Variants in GABRA3 observed in about 807,000 individuals in gnomAD.
GABRA3 encodes the protein gamma-aminobutyric acid receptor subunit alpha-3.
A neutral mutation model predicts 30.1 loss-of-function variants in GABRA3; 10 were observed. That is an observed-to-expected ratio of 0.33 (90% confidence interval 0.20 to 0.56). GABRA3 has a LOEUF of 0.56. Among genes scored for constraint, GABRA3 ranks in the 20% least tolerant of loss-of-function variants. The pLI is 0.89. For missense variants in GABRA3, 233 were observed against 392.0 expected, an observed-to-expected ratio of 0.59 and a Z score of 3.42; for synonymous variants, 151 against 146.8, an observed-to-expected ratio of 1.03 and a Z score of -0.21.
intron 4 of GABRA3, among the ~76,000 whole-genome samples, chrX:152,280,480 G>A (rs994353334): frequency 9.0e-6 from 1 of 111,211 alleles, no homozygotes; most frequent in African/African-American, 3.3e-5. Context: ...CCAGGAAAGA[G>A]ATCCCTGTGC....
chrX:152,241,512 T>C (rs1302310751), intron 5 of GABRA3, among the ~76,000 whole-genome samples: 1 of 107,597 alleles, frequency 9.3e-6, no homozygotes, highest in Non-Finnish European at 2.0e-5. Flanking sequence ...GCAGGCCTCC[T>C]TGAGCTGTGG....
chrX:152,240,641 G>A lies in GABRA3; in HGVS notation c.551+15137C>T, dbSNP rs1235632491. 5.1e-5 allele frequency among the ~76,000 whole-genome samples: 5 copies of A among 98,503 alleles called. 2 individuals are homozygous for A. The East Asian group carries it at 1.5e-3, about 30-fold the overall frequency. The allele number at this position is 98,503 out of a possible 115,157, so 85.5% of individuals were successfully genotyped here. ...TCACTTTCAGGTACATCAATCAGAC[G>A]TAGATTTGGTCTTTTCACATAGTCC... On this transcript the variant is annotated intron_variant, in intron 5 of 9. Coordinates refer to ENST00000370314, the MANE Select transcript of GABRA3 (RefSeq NM_000808.4).
chrX:152,224,538 C>T (rs1254087612), intron 6 of GABRA3, among the ~76,000 whole-genome samples: 1 of 111,503 alleles, frequency 9.0e-6, no homozygotes, highest in Non-Finnish European at 1.9e-5. Context: ...TCTGAAATAG[C>T]AAAATAAAGT....
At chrX:152,257,843 C>G (rs902547046) in intron 4 of GABRA3, among the ~76,000 whole-genome samples, 1 of 111,903 alleles carries the variant, frequency 8.9e-6, no homozygotes, top group East Asian at 2.8e-4. Flanking sequence ...ATGTAGCAAC[C>G]TCAAAATTCT....
intron 4 of GABRA3, among the ~76,000 whole-genome samples, chrX:152,272,984 C>G (rs1938974435): frequency 9.0e-6 from 1 of 111,566 alleles, no homozygotes; most frequent in African/African-American, 3.3e-5. Flanking sequence ...ATAAGTTACC[C>G]AATCTTGGGC....
chrX:152,192,512 G>A (rs749387967), intron 8 of GABRA3, among the ~76,000 whole-genome samples: 20 of 110,583 alleles, frequency 1.8e-4, no homozygotes, highest in South Asian at 3.8e-4. Context: ...CTTTTCTTAC[G>A]GTAATTATTA....
chrX:152,435,999 A>G (rs1041881804), intron 1 of GABRA3, among the ~76,000 whole-genome samples: 5 of 111,757 alleles, frequency 4.5e-5, no homozygotes, highest in African/African-American at 1.6e-4. Context: ...TATACAAAAC[A>G]TTGTTAAGAT....
At chrX:152,301,110 T>G (rs143534545) in intron 3 of GABRA3, among the ~76,000 whole-genome samples, 259 of 111,470 alleles carry the variant, frequency 2.3e-3, no homozygotes, top group Admixed American at 7.5e-3. Flanking sequence ...TAAAGAAAGA[T>G]CTTGAAAGAA....
intron 9 of GABRA3, among the ~76,000 whole-genome samples, chrX:152,182,633 CTA>C (rs369102715): frequency 3.0e-4 from 1 of 3,327 alleles, no homozygotes; most frequent in Non-Finnish European, 8.2e-4. Context: ...TATATATACA[CTA>C]TATATACACT....
At chrX:152,203,577 G>A (rs187434345) in intron 7 of GABRA3, among the ~76,000 whole-genome samples, 25 of 111,938 alleles carry the variant, frequency 2.2e-4, no homozygotes, top group Non-Finnish European at 4.3e-4. Flanking sequence ...CCGAAGGTCA[G>A]AAGTCTAAAA....
intron 2 of GABRA3, among the ~76,000 whole-genome samples, chrX:152,346,886 T>C (rs1940400355): frequency 8.9e-6 from 1 of 111,833 alleles, no homozygotes; most frequent in East Asian, 2.8e-4. Context: ...TCGTACACTG[T>C]TGGTGGGAAT....
At chrX:152,236,031 A>G (rs1207819849) in intron 5 of GABRA3, among the ~76,000 whole-genome samples, 4 of 92,920 alleles carry the variant, frequency 4.3e-5, no homozygotes, top group African/African-American at 1.6e-4. Flanking sequence ...TTTAGGGTAC[A>G]TGTGCACATT....
chrX:152,365,102 C>T, intron 1 of GABRA3, among the ~76,000 whole-genome samples: 1 of 111,519 alleles, frequency 9.0e-6, no homozygotes, highest in Non-Finnish European at 1.9e-5. Context: ...TCCTACTATC[C>T]TAGTATATTA....
intron 3 of GABRA3, among the ~76,000 whole-genome samples, chrX:152,293,075 T>C (rs927931878): frequency 9.0e-6 from 1 of 111,482 alleles, no homozygotes; most frequent in Non-Finnish European, 1.9e-5. Context: ...ATCTGCTTGG[T>C]GCAGAGCTGA....
At chrX:152,300,925 A>C (rs1335488984) in intron 3 of GABRA3, among the ~76,000 whole-genome samples, 4 of 111,673 alleles carry the variant, frequency 3.6e-5, no homozygotes, top group Non-Finnish European at 7.5e-5. Flanking sequence ...CCAAAAAGAG[A>C]AGAGAAAGAG....
chrX:152,169,022 ACTCAGC>A (rs1268719109), intron 9 of GABRA3, among the ~76,000 whole-genome samples: 1 of 111,931 alleles, frequency 8.9e-6, no homozygotes, highest in African/African-American at 3.3e-5. Flanking sequence ...AGATGAGAAA[ACTCAGC>A]CTCAGACTAA....
At chrX:152,406,138 C>G (rs1929929180) in intron 1 of GABRA3, among the ~76,000 whole-genome samples, 1 of 109,577 alleles carries the variant, frequency 9.1e-6, no homozygotes, top group African/African-American at 3.3e-5. Context: ...GCTGCAATGA[C>G]CCCAGGCTTA....
chrX:152,221,098 T>G (rs1473685567), intron 6 of GABRA3, among the ~76,000 whole-genome samples: 1 of 111,528 alleles, frequency 9.0e-6, no homozygotes, highest in Non-Finnish European at 1.9e-5. Flanking sequence ...TTTCTTAATT[T>G]TTAATATATT....
At chrX:152,283,538 GGC>G in intron 4 of GABRA3, among the ~76,000 whole-genome samples, 1 of 111,514 alleles carries the variant, frequency 9.0e-6, no homozygotes, top group South Asian at 3.7e-4. Context: ...AAAATCAACG[GGC>G]CTAAATCAAC....
Sources: allele counts gnomAD v4.1 joint callset (sites outside exome capture counted in the v4.1 genomes callset), GRCh38; gene constraint gnomAD v4.1.1; transcripts MANE v1.5; gene names NCBI Gene and HGNC (gene_info 2026-07-23, HGNC 2026-07-21).